KIAA0825: variants seen among roughly 807,000 people sequenced by gnomAD.
KIAA0825 encodes the protein KIAA0825.
KIAA0825 carries 119 observed loss-of-function variants against 147.6 expected under a neutral mutation model. The observed-to-expected ratio is 0.81, with a 90% CI of 0.69 to 0.94. The LOEUF is 0.94. Ranked by LOEUF, KIAA0825 falls within the 40% of genes least tolerant of loss-of-function variation. The probability of loss-of-function intolerance (pLI) is 0.00; values close to 1 mark genes in which losing one functional copy is unlikely to be tolerated. For synonymous variants in KIAA0825, 470 were observed against 518.1 expected (o/e 0.91, Z 1.26); for missense variants, 1,381 against 1,472.7 (o/e 0.94, Z 1.02).
intron 20 of KIAA0825, among the ~76,000 whole-genome samples, chr5:94,349,172 A>G (rs888868605): frequency 6.6e-6 from 1 of 152,220 alleles, no homozygotes; most frequent in East Asian, 1.9e-4. Context: ...ACAAACTTTA[A>G]AGCAGCAGCA....
chr5:94,605,189 CAT>C (rs1787266644), intron 1 of KIAA0825, among the ~76,000 whole-genome samples: 1 of 152,068 alleles, frequency 6.6e-6, no homozygotes, highest in Non-Finnish European at 1.5e-5. Context: ...TTCCTGGAGA[CAT>C]ACATCCTCTC....
At chr5:94,354,629 C>A (rs938611203) in intron 20 of KIAA0825, among the ~76,000 whole-genome samples, 1 of 151,944 alleles carries the variant, frequency 6.6e-6, no homozygotes, top group African/African-American at 2.4e-5. Context: ...GAATAGCCTA[C>A]GAAGGAAAAC....
rs1386044229 is a variant in KIAA0825 at position 94,152,903 on chromosome 5, T to TATATATATATATATATATATAA, written c.*1103_*1104insTTATATATATATATATATATAT. On this transcript the variant is annotated 3_prime_UTR_variant, in exon 21 of 21. Transcript: ENST00000682413. ...ATATATATATATATATATATATATA[T>TATATATATATATATATATATAA]GGTTTCTCCCAGACGTTCTTAGACT... The TATATATATATATATATATATAA allele has an allele frequency of 4.9e-5, 1 of 20,244 alleles. No individual in the cohort carries two copies. Among genetic ancestry groups the TATATATATATATATATATATAA allele is most frequent in the Non-Finnish European group, 9.3e-5 (1 of 10,786 alleles). 1.3% of individuals were successfully genotyped at this position (20,244 alleles called of 1,614,324 possible).
chr5:94,591,793 G>A (rs1437546533), intron 1 of KIAA0825, among the ~76,000 whole-genome samples: 2 of 152,138 alleles, frequency 1.3e-5, no homozygotes, highest in African/African-American at 4.8e-5. Context: ...GTTCCACACG[G>A]CTGGGGAGGC....
chr5:94,533,688 A>G (rs1771388820), intron 3 of KIAA0825, among the ~76,000 whole-genome samples: 1 of 152,212 alleles, frequency 6.6e-6, no homozygotes, highest in Non-Finnish European at 1.5e-5. Context: ...TAGGGAACTA[A>G]TGATACGGAG....
chr5:94,444,096 G>C (rs1352341731), intron 13 of KIAA0825, among the ~76,000 whole-genome samples: 4 of 152,142 alleles, frequency 2.6e-5, no homozygotes, highest in Admixed American at 6.6e-5. Context: ...GACAAGGGGT[G>C]AAAGTAGGAG....
chr5:94,179,019 G>A (rs1266881819), intron 20 of KIAA0825, among the ~76,000 whole-genome samples: 1 of 152,020 alleles, frequency 6.6e-6, no homozygotes, highest in Non-Finnish European at 1.5e-5. Context: ...AGTGAAAGAA[G>A]ACAGAATCAA....
chr5:94,177,456 G>A (rs910930856), intron 20 of KIAA0825, among the ~76,000 whole-genome samples: 4 of 152,038 alleles, frequency 2.6e-5, no homozygotes, highest in Admixed American at 2.6e-4. Context: ...GGCATTTCCT[G>A]AGAGATCTAA....
intron 20 of KIAA0825, among the ~76,000 whole-genome samples, chr5:94,366,571 G>C (rs879367906): frequency 6.6e-6 from 1 of 152,140 alleles, no homozygotes; most frequent in African/African-American, 2.4e-5. Context: ...ATAATAGCTA[G>C]AAATAATAAT....
intron 20 of KIAA0825, among the ~76,000 whole-genome samples, chr5:94,293,050 T>TA (rs200310667): frequency 0.2 from 30,879 of 150,840 alleles, 3,534 homozygotes; most frequent in Non-Finnish European, 0.25. Context: ...TGTTAATCTT[T>TA]AAAAAAAAAC....
chr5:94,586,120 A>G (rs2152378176), intron 1 of KIAA0825, among the ~76,000 whole-genome samples: 1 of 152,224 alleles, frequency 6.6e-6, no homozygotes, highest in East Asian at 1.9e-4. Flanking sequence ...TAACATCACA[A>G]TTAAAAGAAC....
intron 20 of KIAA0825, among the ~76,000 whole-genome samples, chr5:94,154,853 CCCCAGGACTG>C (rs924564118): frequency 3.9e-5 from 6 of 152,270 alleles, no homozygotes; most frequent in Admixed American, 6.5e-5. Flanking sequence ...CTCTCCACCT[CCCCAGGACTG>C]CCCAGGACTG....
At chr5:94,486,209 TG>T (rs1763037619) in intron 5 of KIAA0825, among the ~76,000 whole-genome samples, 1 of 152,052 alleles carries the variant, frequency 6.6e-6, no homozygotes, top group Admixed American at 6.5e-5. Flanking sequence ...AATCATAAAT[TG>T]GAAAATTTGT....
chr5:94,329,733 A>G (rs1221264763), intron 20 of KIAA0825, among the ~76,000 whole-genome samples: 1 of 152,114 alleles, frequency 6.6e-6, no homozygotes, highest in East Asian at 1.9e-4. Context: ...TGAGTTCCTT[A>G]ATTTTTTCCC....
intron 20 of KIAA0825, among the ~76,000 whole-genome samples, chr5:94,288,502 G>A (rs564879134): frequency 4.6e-5 from 7 of 152,234 alleles, no homozygotes; most frequent in East Asian, 3.9e-4. Flanking sequence ...TAGAGAAATC[G>A]GAGGTTGGTT....
intron 2 of KIAA0825, among the ~76,000 whole-genome samples, chr5:94,562,305 C>T (rs1418162546): frequency 6.6e-6 from 1 of 152,112 alleles, no homozygotes; most frequent in Non-Finnish European, 1.5e-5. Flanking sequence ...TAAAAACAAT[C>T]AATAAAAGTA....
intron 2 of KIAA0825, among the ~76,000 whole-genome samples, chr5:94,555,044 T>C (rs1776288566): frequency 6.6e-6 from 1 of 152,004 alleles, no homozygotes; most frequent in Admixed American, 6.6e-5. Context: ...AGAACTATTA[T>C]AAATGTCCTT....
chr5:94,403,541 T>G (rs1034912449), intron 16 of KIAA0825, 28 bp downstream of exon 16: 1 of 1,533,036 alleles, frequency 6.5e-7, no homozygotes, highest in Non-Finnish European at 8.8e-7. Flanking sequence ...TCAGGTGTAT[T>G]TTCTTAAAGA....
intron 4 of KIAA0825, among the ~76,000 whole-genome samples, 170 bp from the exon 5 acceptor site, chr5:94,521,087 A>G (rs1768099426): frequency 6.6e-6 from 1 of 151,818 alleles, no homozygotes; most frequent in East Asian, 1.9e-4. Flanking sequence ...TTAGAATGTT[A>G]GCTTTTATGG....
Sources: allele counts gnomAD v4.1 joint callset (sites outside exome capture counted in the v4.1 genomes callset), GRCh38; gene constraint gnomAD v4.1.1; transcripts MANE v1.5; gene names NCBI Gene and HGNC (gene_info 2026-07-23, HGNC 2026-07-21).